KCNQ1: variants seen among roughly 807,000 people sequenced by gnomAD.
KCNQ1 encodes potassium voltage-gated channel subfamily KQT member 1.
A neutral mutation model predicts 72.4 loss-of-function variants in KCNQ1; 49 were observed. That is an observed-to-expected ratio of 0.68 (90% confidence interval 0.54 to 0.86). The LOEUF (loss-of-function observed/expected upper bound fraction) is 0.86, where lower values mean the gene tolerates loss of function less well. Among genes scored for constraint, KCNQ1 ranks in the 40% least tolerant of loss-of-function variants. The pLI, the probability that KCNQ1 is intolerant of heterozygous loss-of-function variation, is 0.00. For synonymous variants in KCNQ1, 450 were observed against 412.6 expected, an observed-to-expected ratio of 1.09 and a Z score of -1.10; for missense variants, 790 against 945.1, an observed-to-expected ratio of 0.84 and a Z score of 2.15.
At position 2,664,610 on chromosome 11, in the gene KCNQ1, C is replaced by T. The variant is rs1850030809; in HGVS notation, c.1514+2529C>T. 2 of 398,570 alleles carry T rather than the reference C, an allele frequency of 5.0e-6. No homozygotes were observed. Among genetic ancestry groups the T allele is most frequent in the Middle Eastern group, 6.2e-4 (1 of 1,610 alleles). The allele number at this position is 398,570 out of a possible 1,614,324, so 24.7% of individuals were successfully genotyped here. Reference sequence around the variant, plus strand: ...GCATTCCTCCACCTCCTGCACAGCCCGCCCAGTGATGCCCATAATTAAATT... The same window carrying T: ...GCATTCCTCCACCTCCTGCACAGCCTGCCCAGTGATGCCCATAATTAAATT... On this transcript the variant is annotated intron_variant, in intron 11 of 15. Transcript: ENST00000155840. The surrounding 1 kb of genome is among the most constrained non-coding windows in gnomAD (Gnocchi z 5.1).
rs1847820536 is a variant in KCNQ1, at chr11:2,541,410, C to T, written c.477+13392C>T. On this transcript the variant is annotated intron_variant, in intron 2 of 15. Transcript: ENST00000155840. The surrounding 1 kb of genome is among the most constrained non-coding windows in gnomAD (Gnocchi z 4.8). ...CTTTAGCGGGGCCTGTGTCTCTTCTCACTGACCGTTTTCTGAAACTGGCTG... is the reference window on the plus strand; with the variant it reads ...CTTTAGCGGGGCCTGTGTCTCTTCTTACTGACCGTTTTCTGAAACTGGCTG... 6.6e-6 allele frequency among the ~76,000 whole-genome samples: 1 copy of T among 152,162 alleles called. No homozygotes were observed. The highest frequency in any genetic ancestry group is 2.1e-4 in the South Asian group (1 of 4,828).
At chr11:2,804,414 C>T (rs981535921) in intron 15 of KCNQ1, among the ~76,000 whole-genome samples, 3 of 152,190 alleles carry the variant, frequency 2.0e-5, no homozygotes, top group African/African-American at 7.2e-5. Flanking sequence ...ACTAGAACCC[C>T]GCCGCCCTGG....
intron 12 of KCNQ1, among the ~76,000 whole-genome samples, chr11:2,775,591 A>T (rs1313205414): frequency 6.6e-6 from 1 of 152,176 alleles, no homozygotes; most frequent in Non-Finnish European, 1.5e-5. Flanking sequence ...AGTGCCTGGC[A>T]CTGTGCTGCT....
At position 2,690,520 on chromosome 11, in the gene KCNQ1, G is replaced by A; in HGVS notation, c.1514+28439G>A. 1.0e-5 allele frequency: 4 copies of A among 398,656 alleles called. No individual in the cohort carries two copies. Among genetic ancestry groups the A allele is most frequent in the Non-Finnish European group, 1.8e-5 (4 of 226,088 alleles). 24.7% of individuals were successfully genotyped at this position (398,656 alleles called of 1,614,324 possible). ...GGGGGGTCTCAGCACCTATCACAAA[G>A]AAAGTGCCACTGGGCCTAGGGAAGG... On this transcript the variant is annotated intron_variant, in intron 11 of 15. Coordinates refer to ENST00000155840, the MANE Select transcript of KCNQ1 (RefSeq NM_000218.3). The surrounding 1 kb of genome is among the most constrained non-coding windows in gnomAD (Gnocchi z 5.1).
intron 11 of KCNQ1, among the ~76,000 whole-genome samples, chr11:2,730,750 G>A (rs1845844927): frequency 6.6e-6 from 1 of 152,226 alleles, no homozygotes; most frequent in Non-Finnish European, 1.5e-5. Context: ...TCCAAGAGGG[G>A]CTGCCCCTGG....
At chr11:2,731,457 A>G (rs1051061247) in intron 11 of KCNQ1, among the ~76,000 whole-genome samples, 1 of 152,094 alleles carries the variant, frequency 6.6e-6, no homozygotes, top group Non-Finnish European at 1.5e-5. Context: ...CGCCCACCAC[A>G]CGCCCACTCG....
intron 15 of KCNQ1, among the ~76,000 whole-genome samples, chr11:2,802,057 C>A (rs778552758): frequency 1.3e-5 from 2 of 152,216 alleles, no homozygotes; most frequent in African/African-American, 4.8e-5. Context: ...AGCTGCGGAG[C>A]GGGGCGCGGT....
chr11:2,824,134 C>T lies in KCNQ1; in HGVS notation c.1795-23633C>T, dbSNP rs768512828. ...CACCCATATTCGACACACACATTCA[C>T]ACAAACACACCCAGACACATGCATG... On this transcript the variant is annotated intron_variant, in intron 15 of 15. Transcript: ENST00000155840. The surrounding 1 kb of genome is among the most constrained non-coding windows in gnomAD (Gnocchi z 5.9). 3.9e-5 allele frequency among the ~76,000 whole-genome samples: 6 copies of T among 152,112 alleles called. No homozygotes were observed. Among genetic ancestry groups the T allele is most frequent in the Non-Finnish European group, 7.4e-5 (5 of 68,024 alleles).
In KCNQ1 at chr11:2,603,124, G is replaced by A. The variant is rs1003286235; in HGVS notation, c.1393+14270G>A. Among the ~76,000 whole-genome samples the A allele has an allele frequency of 6.6e-5, 10 of 152,092 alleles. No homozygotes were observed. Among genetic ancestry groups the A allele is most frequent in the African/African-American group, 1.2e-4 (5 of 41,408 alleles). On this transcript the variant is annotated intron_variant, in intron 10 of 15. Coordinates refer to ENST00000155840, the MANE Select transcript of KCNQ1 (RefSeq NM_000218.3). This position sits in a 1 kb window ranked among gnomAD's most constrained non-coding sequence, Gnocchi z 4.1. ...GCATACCTCAGAGATATTGTGGTTC[G>A]GTTCCAGTACACTGCAATGAAGCAA...
intron 1 of KCNQ1, among the ~76,000 whole-genome samples, chr11:2,485,069 A>G (rs1363398342): frequency 6.6e-6 from 1 of 152,050 alleles, no homozygotes; most frequent in Non-Finnish European, 1.5e-5. Flanking sequence ...TCTTGTCTTC[A>G]GCCTCACTGC....
chr11:2,676,249 G>A lies in KCNQ1; in HGVS notation c.1514+14168G>A. 1 of 398,634 alleles carries A rather than the reference G, an allele frequency of 2.5e-6. No homozygotes were observed. The highest frequency in any genetic ancestry group is 4.4e-5 in the Admixed American group (1 of 22,738). 24.7% of individuals were successfully genotyped at this position (398,634 alleles called of 1,614,324 possible). A position where few individuals can be genotyped will look rare whatever the true frequency, so the allele number is the denominator to read the frequency against. ...TGATTTATTATGGTGCAGTACATCT[G>A]AGAAGCATTTTTATTGCAAAATGTG... On this transcript the variant is annotated intron_variant, in intron 11 of 15. Coordinates refer to ENST00000155840, the MANE Select transcript of KCNQ1 (RefSeq NM_000218.3). The surrounding 1 kb of genome is among the most constrained non-coding windows in gnomAD (Gnocchi z 4.2).
chr11:2,452,667 C>T (rs1001785085), intron 1 of KCNQ1, among the ~76,000 whole-genome samples: 5 of 152,228 alleles, frequency 3.3e-5, no homozygotes, highest in Admixed American at 6.5e-5. Flanking sequence ...TGAAGAGTCA[C>T]GTCTGTGCTC....
At chr11:2,632,872 A>G (rs878976773) in intron 10 of KCNQ1, 20 of 398,480 alleles carry the variant, frequency 5.0e-5, no homozygotes, top group Admixed American at 4.8e-4. Flanking sequence ...CAGTACTGCA[A>G]TAAACATGAG....
In KCNQ1 at chr11:2,550,320, C is replaced by T. The variant is rs1439368630; in HGVS notation, c.478-20308C>T. 6.6e-6 allele frequency among the ~76,000 whole-genome samples: 1 copy of T among 152,222 alleles called. No homozygotes were observed. Among genetic ancestry groups the T allele is most frequent in the Non-Finnish European group, 1.5e-5 (1 of 68,032 alleles). ...CGCCTGGATTTCCGACACACTGCAG[C>T]ATCTGCATCCTTGCCGTCACCCCTC... is the stretch of plus-strand genomic sequence containing the variant. On this transcript the variant is annotated intron_variant, in intron 2 of 15. Coordinates refer to ENST00000155840, the MANE Select transcript of KCNQ1 (RefSeq NM_000218.3). The surrounding 1 kb of genome is among the most constrained non-coding windows in gnomAD (Gnocchi z 6.0).
Position 2,664,753 on chromosome 11 carries a change from G to C in KCNQ1, c.1514+2672G>C, listed in dbSNP as rs866873966. The C allele has an allele frequency of 1.5e-5, 6 of 398,768 alleles. No homozygotes were observed. Among genetic ancestry groups the C allele is most frequent in the Middle Eastern group, 6.3e-4 (1 of 1,592 alleles). The allele number at this position is 398,768 out of a possible 1,614,324, so 24.7% of individuals were successfully genotyped here. On this transcript the variant is annotated intron_variant, in intron 11 of 15. Transcript: ENST00000155840. This position sits in a 1 kb window ranked among gnomAD's most constrained non-coding sequence, Gnocchi z 5.1. ...GTGTGAGGGACAGGGATGTGTGCTG[G>C]GGTCTCACAGGGGGCAGAGTGGGTG...
chr11:2,530,525 G>A (rs1847602405), intron 2 of KCNQ1, among the ~76,000 whole-genome samples: 1 of 152,234 alleles, frequency 6.6e-6, no homozygotes, highest in South Asian at 2.1e-4. Flanking sequence ...CTCTGCAGGT[G>A]TGTGTACATG....
intron 15 of KCNQ1, among the ~76,000 whole-genome samples, chr11:2,838,300 C>T (rs963356810): frequency 6.6e-6 from 1 of 152,154 alleles, no homozygotes; most frequent in South Asian, 2.1e-4. Context: ...TGTGAAACGG[C>T]ATGCAGAAAG....
At chr11:2,665,481 T>C (rs1850050647) in intron 11 of KCNQ1, 1 of 396,012 alleles carries the variant, frequency 2.5e-6, no homozygotes, top group Non-Finnish European at 4.4e-6. Flanking sequence ...GACGGTGCCA[T>C]GCCTGTGTGC....
Position 2,521,683 on chromosome 11 carries a change from T to C in KCNQ1, c.387-6245T>C, listed in dbSNP as rs534414080. On this transcript the variant is annotated intron_variant, in intron 1 of 15. Transcript: ENST00000155840. ...CTCTCTTTAAGGTTCCTCAACTTTA[T>C]TGGGAAACATCTCAGGGTTACAAAA... The C allele has an allele frequency of 8.0e-6, 3 of 374,520 alleles. 1 individual carries two copies. Among genetic ancestry groups the C allele is most frequent in the African/African-American group, 2.1e-5 (1 of 47,070 alleles). The allele number at this position is 374,520 out of a possible 1,614,324, so 23.2% of individuals were successfully genotyped here. A position where few individuals can be genotyped will look rare whatever the true frequency, so the allele number is the denominator to read the frequency against.
Sources: allele counts gnomAD v4.1 joint callset (sites outside exome capture counted in the v4.1 genomes callset), GRCh38; gene constraint gnomAD v4.1.1; non-coding constraint Gnocchi (gnomAD v3.1); transcripts MANE v1.5; gene names NCBI Gene and HGNC (gene_info 2026-07-23, HGNC 2026-07-21).